R3HDM1: variants seen among roughly 807,000 people sequenced by gnomAD.
R3HDM1 encodes the protein R3H domain-containing protein 1.
In R3HDM1, 46 loss-of-function variants were observed where a neutral mutation model predicts 141.1. The ratio of observed to expected loss-of-function variants is 0.33; its 90% CI spans 0.26 to 0.42. The LOEUF (loss-of-function observed/expected upper bound fraction) is 0.42. Ranked by LOEUF, R3HDM1 falls within the 10% of genes least tolerant of loss-of-function variation. R3HDM1 has a pLI of 1.00. For synonymous variants in R3HDM1, 435 were observed against 472.9 expected (o/e 0.92, Z 1.04); for missense variants, 1,184 against 1,368.3 (o/e 0.87, Z 2.12).
At chr2:135,589,830 C>T (rs1708827719) in intron 1 of R3HDM1, among the ~76,000 whole-genome samples, 1 of 151,714 alleles carries the variant, frequency 6.6e-6, no homozygotes. Context: ...ATATATTATG[C>T]AAATCTGTTA....
chr2:135,600,851 T>C, intron 1 of R3HDM1, among the ~76,000 whole-genome samples: 1 of 152,242 alleles, frequency 6.6e-6, no homozygotes, highest in Non-Finnish European at 1.5e-5. Flanking sequence ...AATATTGGAC[T>C]AGGTGGTCTC....
chr2:135,563,564 A>G (rs1702188563), intron 1 of R3HDM1, among the ~76,000 whole-genome samples: 1 of 152,200 alleles, frequency 6.6e-6, no homozygotes, highest in Non-Finnish European at 1.5e-5. Flanking sequence ...AAATCATAAC[A>G]ACTATCTTTG....
chr2:135,583,762 A>G (rs1388825430), intron 1 of R3HDM1: 3 of 985,334 alleles, frequency 3.0e-6, no homozygotes, highest in African/African-American at 1.7e-5. Context: ...AAAGGTTGAG[A>G]TCTTTAAAAA....
intron 1 of R3HDM1, among the ~76,000 whole-genome samples, chr2:135,596,423 G>A (rs995873724): frequency 6.6e-6 from 1 of 152,102 alleles, no homozygotes; most frequent in East Asian, 1.9e-4. Context: ...ACTCAGTACT[G>A]ACCACTCAGA....
At chr2:135,598,062 A>G (rs1179258164) in intron 1 of R3HDM1, among the ~76,000 whole-genome samples, 1 of 152,148 alleles carries the variant, frequency 6.6e-6, no homozygotes, top group Non-Finnish European at 1.5e-5. Context: ...TAGACTTCAT[A>G]TATACTAGTT....
chr2:135,621,928 T>C (rs886988536), intron 6 of R3HDM1: 33 of 981,270 alleles, frequency 3.4e-5, no homozygotes, highest in Non-Finnish European at 3.9e-5. Flanking sequence ...CACTCTTGAA[T>C]TCCTTATGGT....
rs1209291473 is a variant in R3HDM1, at chr2:135,549,379, AC to A, written c.-250+17749del. Among the ~76,000 whole-genome samples, 6 of 151,880 alleles carry A rather than the reference AC, an allele frequency of 4.0e-5. No homozygotes were observed. The South Asian group carries it at 1.3e-3, about 32-fold the overall frequency. The stretch of plus-strand genomic sequence containing the variant: ...AGACCAGCCTGGTCAACATGATGAA[AC>A]CCTGTCTCTACTAAAAATACAAAAA... On this transcript the variant is annotated intron_variant, in intron 1 of 26. Coordinates refer to ENST00000683871, the MANE Select transcript of R3HDM1 (RefSeq NM_001378107.1).
At chr2:135,685,060 G>A (rs2071096960) in intron 21 of R3HDM1, among the ~76,000 whole-genome samples, 1 of 152,100 alleles carries the variant, frequency 6.6e-6, no homozygotes, top group South Asian at 2.1e-4. Context: ...ACTGCTCCCA[G>A]CCTGCATTTT....
intron 25 of R3HDM1, 55 bp downstream of exon 25, chr2:135,722,061 A>G: frequency 6.5e-7 from 1 of 1,542,456 alleles, no homozygotes; most frequent in Non-Finnish European, 9.0e-7. Context: ...TAGCTCCCTC[A>G]GAGTGTAAGG....
chr2:135,569,356 G>A (rs1238797512), intron 1 of R3HDM1, among the ~76,000 whole-genome samples: 3 of 151,830 alleles, frequency 2.0e-5, no homozygotes, highest in Middle Eastern at 3.2e-3. Context: ...GGTGGCGCAC[G>A]CCTGTAGTAC....
chr2:135,641,620 A>G lies in R3HDM1; in HGVS notation c.1304A>G (p.Gln435Arg). The G allele has an allele frequency of 8.7e-6, 14 of 1,614,160 alleles. No homozygotes were observed. The highest frequency in any genetic ancestry group is 1.2e-5 in the Non-Finnish European group (14 of 1,180,016). ...CCTCTTCCAGGTACAGCTCTCAGCC[A>G]GTCTTCTCATGGCGCACCTGTCGTC... ...QQPLPGTALS[Q>R]SSHGAPVVYP... Residue 435 changes from glutamine to arginine, a missense_variant, in exon 15 of 27, where the codon CAG (glutamine) becomes CGG (arginine). Gln to Arg is a conservative substitution (Grantham distance 43). Around this residue, in one of 5 missense-constraint regions of R3HDM1, gnomAD observed 240 missense variants for 312.3 expected, o/e 0.77. Transcript: ENST00000683871.
intron 21 of R3HDM1, among the ~76,000 whole-genome samples, chr2:135,682,890 G>A (rs545143146): frequency 9.1e-4 from 138 of 152,124 alleles, no homozygotes; most frequent in Middle Eastern, 3.4e-3. Flanking sequence ...CCAGCTACTC[G>A]GGAGGCTGAG....
intron 1 of R3HDM1, among the ~76,000 whole-genome samples, chr2:135,537,470 G>C (rs1214128804): frequency 6.6e-6 from 1 of 150,914 alleles, no homozygotes. Context: ...ATTTTTAGTA[G>C]AGACAGGATT....
At position 135,581,364 on chromosome 2, in the gene R3HDM1, ACTTTAC is replaced by A. The variant is rs563099031; in HGVS notation, c.-249-21130_-249-21125del. ...CCATTTCCCACCTGTGGAACATTTC[ACTTTAC>A]CTTTAACGGTCTTGGTGCCTTATTT... is the stretch of plus-strand genomic sequence containing the variant. On this transcript the variant is annotated intron_variant, in intron 1 of 26. Coordinates refer to ENST00000683871, the MANE Select transcript of R3HDM1 (RefSeq NM_001378107.1). 7.5e-5 allele frequency: 74 copies of A among 985,080 alleles called. No individual in the cohort carries two copies. The East Asian group carries it at 5.5e-3, about 73-fold the overall frequency. 61.0% of individuals were successfully genotyped at this position (985,080 alleles called of 1,614,324 possible). A position where few individuals can be genotyped will look rare whatever the true frequency, so the allele number is the denominator to read the frequency against.
intron 1 of R3HDM1, chr2:135,543,277 C>CA (rs1419184034): frequency 5.2e-6 from 1 of 191,268 alleles, no homozygotes; most frequent in Non-Finnish European, 9.6e-6. Context: ...ATCGATTGAT[C>CA]AAAAAATGTG....
intron 9 of R3HDM1, among the ~76,000 whole-genome samples, chr2:135,634,615 GC>G (rs1465097479): frequency 6.6e-6 from 1 of 152,184 alleles, no homozygotes; most frequent in Non-Finnish European, 1.5e-5. Flanking sequence ...TGGCACTCCA[GC>G]CTGGGTGACA....
chr2:135,722,382 A>C (rs1281121489), intron 25 of R3HDM1, 87 bp from the exon 26 acceptor site: 3 of 1,378,848 alleles, frequency 2.2e-6, no homozygotes, highest in Non-Finnish European at 3.0e-6. Context: ...CCCAAACTAA[A>C]GGTGTTTTGG....
intron 18 of R3HDM1, among the ~76,000 whole-genome samples, chr2:135,656,853 G>A (rs1443748692): frequency 6.6e-6 from 1 of 152,244 alleles, no homozygotes; most frequent in Non-Finnish European, 1.5e-5. Flanking sequence ...CAGCACTTTG[G>A]GAGGCCGAGG....
rs1325913469 is a variant in R3HDM1, at chr2:135,671,797, G to A, written c.2153-3535G>A. Among the ~76,000 whole-genome samples the A allele has an allele frequency of 5.9e-5, 9 of 151,884 alleles. No individual in the cohort carries two copies. In the East Asian group the frequency reaches 9.8e-4, roughly 17 times the overall value. On this transcript the variant is annotated intron_variant, in intron 19 of 26. Transcript: ENST00000683871. ...TTGAGACCAGCCTGGCCAACATGGT[G>A]AAACCCTGTCTATACTAAAAATACA...
Sources: allele counts gnomAD v4.1 joint callset (sites outside exome capture counted in the v4.1 genomes callset), GRCh38; gene constraint gnomAD v4.1.1; regional missense constraint gnomAD v4.1.1; transcripts MANE v1.5; gene names NCBI Gene and HGNC (gene_info 2026-07-23, HGNC 2026-07-21).